The following HMCN2 variants were observed in gnomAD, a reference collection of about 807,000 sequenced individuals.
HMCN2 encodes hemicentin-2.
Under a neutral mutation model 377.5 loss-of-function variants are expected in HMCN2, and 325 were observed. The ratio of observed to expected loss-of-function variants is 0.86; its 90% CI spans 0.79 to 0.94. The LOEUF (loss-of-function observed/expected upper bound fraction) is 0.94, where lower values mean the gene tolerates loss of function less well. Ranked by LOEUF, HMCN2 falls within the 40% of genes least tolerant of loss-of-function variation. The pLI, the probability that HMCN2 is intolerant of heterozygous loss-of-function variation, is 0.00. For missense variants in HMCN2, 4,543 were observed against 4,725.3 expected, an observed-to-expected ratio of 0.96 and a Z score of 1.13; for synonymous variants, 2,007 against 2,046.8, an observed-to-expected ratio of 0.98 and a Z score of 0.53.
intron 13 of HMCN2, among the ~76,000 whole-genome samples, chr9:130,307,196 C>T (rs1554937136): frequency 4.6e-5 from 7 of 151,986 alleles, no homozygotes. Flanking sequence ...GTGCTGGGGG[C>T]GAGGGAGAAG....
Position 130,405,068 on chromosome 9 carries a change from C to T in HMCN2, c.12339+9C>T. 1.6e-6 allele frequency: 2 copies of T among 1,280,632 alleles called. No homozygotes were observed. Among genetic ancestry groups the T allele is most frequent in the Non-Finnish European group, 2.0e-6 (2 of 984,550 alleles). 79.3% of individuals were successfully genotyped at this position (1,280,632 alleles called of 1,614,324 possible). A position where few individuals can be genotyped will look rare whatever the true frequency, so the allele number is the denominator to read the frequency against. On this transcript the variant is annotated intron_variant, in intron 81 of 97. Transcript: ENST00000683500. ...TGGTGAAGAACTTGGAGGTGAGGCACTGCCCCAAGGGGCACAGCAGGGAAT... is the reference window on the plus strand; with the variant it reads ...TGGTGAAGAACTTGGAGGTGAGGCATTGCCCCAAGGGGCACAGCAGGGAAT...
chr9:130,279,461 T>C (rs1345074109), intron 1 of HMCN2, among the ~76,000 whole-genome samples: 5 of 152,048 alleles, frequency 3.3e-5, no homozygotes, highest in Admixed American at 3.3e-4. Context: ...CAAGCAACTC[T>C]CCTGCCTCAG....
rs1174506040 is a variant in HMCN2 at position 130,388,459 on chromosome 9, G to A, written c.9442G>A (p.Gly3148Arg). 20 of 987,838 alleles carry A rather than the reference G, an allele frequency of 2.0e-5. No individual in the cohort carries two copies. The highest frequency in any genetic ancestry group is 2.3e-5 in the Non-Finnish European group (19 of 830,086). The allele number at this position is 987,838 out of a possible 1,614,324, so 61.2% of individuals were successfully genotyped here. ...GACAGAGACAGTGAGCCAGGTGGCT[G>A]GGAGCCCCCTGGTCCTGACCTGTGA... ...PKTETVSQVA[G>R]SPLVLTCDVS... Residue 3148 changes from glycine to arginine, a missense_variant, in exon 62 of 98, where the codon GGG (glycine) becomes AGG (arginine). Around this residue, in one of 5 missense-constraint regions of HMCN2, gnomAD observed 736 missense variants for 773.2 expected, o/e 0.95. Coordinates refer to ENST00000683500, the MANE Select transcript of HMCN2 (RefSeq NM_001291815.2).
At chr9:130,328,443 G>A (rs1047030806) in intron 22 of HMCN2, among the ~76,000 whole-genome samples, 3 of 152,204 alleles carry the variant, frequency 2.0e-5, no homozygotes, top group Non-Finnish European at 2.9e-5. Context: ...AACGGGAACC[G>A]CATTCCCATT....
rs117355273 is a variant in HMCN2, at chr9:130,393,699, C to T, written c.10235-43C>T. 5,401 of 1,205,496 alleles carry T rather than the reference C, an allele frequency of 4.5e-3. 13 individuals are homozygous for T. Among genetic ancestry groups the T allele is most frequent in the Admixed American group, 6.6e-3 (205 of 30,848 alleles). 74.7% of individuals were successfully genotyped at this position (1,205,496 alleles called of 1,614,324 possible). ...TAAGCTGAGTACTGGAGATGAGAGT[C>T]CTGGAATAAAATGGTTCCTGCCCAC... On this transcript the variant is annotated intron_variant, in intron 67 of 97. Transcript: ENST00000683500. This position sits in a 1 kb window ranked among gnomAD's most constrained non-coding sequence, Gnocchi z 5.2.
intron 2 of HMCN2, 81 bp from the exon 3 acceptor site, chr9:130,285,077 C>A (rs1378503593): frequency 2.3e-6 from 1 of 441,374 alleles, no homozygotes. Context: ...CTCCCTATGC[C>A]CAGTGGTTTT....
At chr9:130,327,187 CT>C (rs1388088483) in intron 21 of HMCN2, 122 bp from the exon 22 acceptor site, 7 of 152,278 alleles carry the variant, frequency 4.6e-5, no homozygotes, top group Admixed American at 1.3e-4. Context: ...CCTTCTGGAC[CT>C]CCTGAAGGTC....
chr9:130,302,695 C>T (rs148351238), intron 8 of HMCN2, among the ~76,000 whole-genome samples, 162 bp from the exon 9 acceptor site: 1 of 152,324 alleles, frequency 6.6e-6, no homozygotes, highest in African/African-American at 2.4e-5. Context: ...CATGATCACC[C>T]CATTTTGCAG....
In HMCN2 at chr9:130,400,789, C is replaced by T. The variant is rs946011865; in HGVS notation, c.11612C>T (p.Pro3871Leu). 2.3e-6 allele frequency: 3 copies of T among 1,285,976 alleles called. No individual in the cohort carries two copies. The highest frequency in any genetic ancestry group is 2.3e-5 in the Admixed American group (1 of 43,152). The allele number at this position is 1,285,976 out of a possible 1,614,324, so 79.7% of individuals were successfully genotyped here. Residue 3871 changes from proline (P) to leucine (L), a missense_variant, in exon 77 of 98, where the codon CCC becomes CTC. Transcript: ENST00000683500. ...RLYQVTVHVP[P>L]TIADDQTDFT... ...GCCTTGTCTTGGGTTTTAGTGCCTC[C>T]CACCATTGCCGATGACCAGACAGAC... is the stretch of plus-strand genomic sequence containing the variant.
At position 130,372,329 on chromosome 9, in the gene HMCN2, C is replaced by CA; in HGVS notation, c.7275dup (p.Asp2426ArgfsTer31). 1 of 986,010 alleles carries CA rather than the reference C, an allele frequency of 1.0e-6. No homozygotes were observed. The highest frequency in any genetic ancestry group is 1.2e-6 in the Non-Finnish European group (1 of 830,060). The allele number at this position is 986,010 out of a possible 1,614,324, so 61.1% of individuals were successfully genotyped here. On this transcript the variant is annotated frameshift_variant, in exon 47 of 98. Coordinates refer to ENST00000683500, the MANE Select transcript of HMCN2 (RefSeq NM_001291815.2). LOFTEE classifies it high-confidence loss of function. ...GCTGAAGATGACTCAGACACAGGAG[C>CA]AAGACAGTGGCCTCTACTCATGCCT...
intron 4 of HMCN2, among the ~76,000 whole-genome samples, chr9:130,290,341 C>T (rs1336302935): frequency 1.3e-5 from 2 of 152,204 alleles, no homozygotes; most frequent in African/African-American, 2.4e-5. Context: ...CTTTCTGCCT[C>T]GTGTCCCAGC....
At chr9:130,389,755 A>C (rs1842210405) in intron 62 of HMCN2, among the ~76,000 whole-genome samples, 1 of 151,950 alleles carries the variant, frequency 6.6e-6, no homozygotes, top group African/African-American at 2.4e-5. Context: ...TTGTATTTTT[A>C]GTAGAGATGG....
At chr9:130,298,863 CCCCAGCG>C in intron 7 of HMCN2, among the ~76,000 whole-genome samples, 155 bp from the exon 8 acceptor site, 1 of 152,252 alleles carries the variant, frequency 6.6e-6, no homozygotes, top group African/African-American at 2.4e-5. Context: ...CCTATCCCAC[CCCCAGCG>C]TTGGTCAGCA....
At chr9:130,333,282 G>C (rs958318560) in intron 22 of HMCN2, among the ~76,000 whole-genome samples, 34 of 152,156 alleles carry the variant, frequency 2.2e-4, no homozygotes, top group African/African-American at 7.7e-4. Flanking sequence ...TGGGAGGCAG[G>C]GTATTGCCTG....
intron 4 of HMCN2, among the ~76,000 whole-genome samples, chr9:130,291,591 A>G (rs1554930094): frequency 6.6e-6 from 1 of 152,216 alleles, no homozygotes; most frequent in African/African-American, 2.4e-5. Flanking sequence ...AGTAAAAAGA[A>G]CACACCTACC....
chr9:130,397,784 A>C, intron 74 of HMCN2, 129 bp downstream of exon 74: 3 of 868,840 alleles, frequency 3.5e-6, no homozygotes, highest in Non-Finnish European at 4.6e-6. Context: ...CATGAAGCCC[A>C]TTAGTAAAAA....
intron 4 of HMCN2, among the ~76,000 whole-genome samples, chr9:130,288,936 C>T (rs1409307159): frequency 1.3e-5 from 2 of 152,316 alleles, no homozygotes; most frequent in East Asian, 3.9e-4. Flanking sequence ...GCCCCTTGAA[C>T]CTGCCCCAAA....
rs771625780 is a variant in HMCN2 at position 130,408,745 on chromosome 9, G to C, written c.12691G>C (p.Ala4231Pro). ...QAVSFVHVKE[A>P]PVLQGEAFSY... Reference sequence around the variant, plus strand: ...TTGCTCGATGTCACCCCATGCAGAGGCTCCTGTCCTACAAGGGGAGGCTTT... The same window carrying C: ...TTGCTCGATGTCACCCCATGCAGAGCCTCCTGTCCTACAAGGGGAGGCTTT... The change falls in exon 84 of 98, where the codon GCT becomes CCT. Residue 4231 changes from alanine (A) to proline (P), a missense_variant and splice_region_variant. Around this residue, in one of 5 missense-constraint regions of HMCN2, gnomAD observed 1,073 missense variants for 1,319.5 expected, o/e 0.81. Coordinates refer to ENST00000683500, the MANE Select transcript of HMCN2 (RefSeq NM_001291815.2). 3.1e-6 allele frequency: 4 copies of C among 1,287,510 alleles called. No homozygotes were observed. The South Asian group carries it at 4.9e-5, about 16-fold the overall frequency. 79.8% of individuals were successfully genotyped at this position (1,287,510 alleles called of 1,614,324 possible).
intron 4 of HMCN2, among the ~76,000 whole-genome samples, chr9:130,290,810 A>G (rs575845040): frequency 5.3e-4 from 79 of 150,174 alleles, no homozygotes; most frequent in Non-Finnish European, 8.6e-4. Flanking sequence ...TTGTCACGTG[A>G]TAGTTGAAAT....
Sources: gnomAD v4.1 joint callset for allele counts (sites outside exome capture counted in the v4.1 genomes callset) on GRCh38, gnomAD v4.1.1 for gene constraint, gnomAD v4.1.1 regional missense constraint, Gnocchi (gnomAD v3.1) non-coding constraint, MANE v1.5 for transcripts, NCBI Gene and HGNC (gene_info 2026-07-23, HGNC 2026-07-21) for gene names.